ATP1B3: variants seen among roughly 807,000 people sequenced by gnomAD.
ATP1B3 encodes ATPase Na+/K+ transporting subunit beta 3, also known as sodium/potassium-transporting ATPase subunit beta-3.
In ATP1B3, 10 loss-of-function variants were observed where a neutral mutation model predicts 30.2. The observed-to-expected ratio is 0.33, with a 90% CI of 0.20 to 0.56. The LOEUF (loss-of-function observed/expected upper bound fraction) is 0.56, where lower values mean the gene tolerates loss of function less well. ATP1B3 is among the 20% of genes least tolerant of loss of function. The pLI is 0.90. For synonymous variants in ATP1B3, 113 were observed against 117.0 expected, an observed-to-expected ratio of 0.97 and a Z score of 0.22; for missense variants, 238 against 336.7, an observed-to-expected ratio of 0.71 and a Z score of 2.29.
chr3:141,914,292 GTA>G (rs746603473), intron 4 of ATP1B3, among the ~76,000 whole-genome samples: 1 of 152,046 alleles, frequency 6.6e-6, no homozygotes, highest in Non-Finnish European at 1.5e-5. Context: ...TATAGTATCA[GTA>G]TATATATATG....
intron 5 of ATP1B3, among the ~76,000 whole-genome samples, chr3:141,919,275 C>CT (rs34441912): frequency 0.14 from 17,932 of 128,548 alleles, 1,183 homozygotes; most frequent in African/African-American, 0.19. Flanking sequence ...CTTGGAGGTG[C>CT]TTTTTTTTTT....
intron 4 of ATP1B3, among the ~76,000 whole-genome samples, chr3:141,915,374 CTG>C (rs201600149): frequency 0.014 from 2,160 of 152,328 alleles, 24 homozygotes; most frequent in Non-Finnish European, 0.021. Context: ...CACGTGGAAA[CTG>C]TGTATAAATT....
chr3:141,879,069 T>C (rs1033238629), intron 1 of ATP1B3, among the ~76,000 whole-genome samples: 1 of 152,220 alleles, frequency 6.6e-6, no homozygotes, highest in African/African-American at 2.4e-5. Flanking sequence ...TTGAAGGGAC[T>C]GTATGGGCTT....
At chr3:141,904,377 T>G (rs1439755490) in intron 2 of ATP1B3, among the ~76,000 whole-genome samples, 1 of 151,986 alleles carries the variant, frequency 6.6e-6, no homozygotes, top group Non-Finnish European at 1.5e-5. Flanking sequence ...AAGAATATAG[T>G]TATAGTTATG....
intron 1 of ATP1B3, among the ~76,000 whole-genome samples, chr3:141,877,312 T>G (rs988222544): frequency 6.6e-6 from 1 of 151,780 alleles, no homozygotes; most frequent in Non-Finnish European, 1.5e-5. Context: ...CGAGAGGCCC[T>G]GGCGGAGGCG....
At chr3:141,892,639 GTGAGA>G (rs1933976513) in intron 1 of ATP1B3, among the ~76,000 whole-genome samples, 1 of 112,466 alleles carries the variant, frequency 8.9e-6, no homozygotes, top group East Asian at 2.8e-4. Flanking sequence ...CTGGGTGACA[GTGAGA>G]CTGTCTCAAA....
chr3:141,896,992 G>C (rs1015424048), intron 1 of ATP1B3, among the ~76,000 whole-genome samples: 9 of 152,154 alleles, frequency 5.9e-5, no homozygotes, highest in African/African-American at 2.2e-4. Flanking sequence ...CCTGGGTGTG[G>C]AGGCTGTCTG....
intron 1 of ATP1B3, among the ~76,000 whole-genome samples, chr3:141,898,963 A>G (rs1236160381): frequency 6.6e-6 from 1 of 152,192 alleles, no homozygotes; most frequent in Non-Finnish European, 1.5e-5. Context: ...AACACCTTAC[A>G]TGGAAGAAGC....
At chr3:141,921,325 A>T (rs940129429) in intron 5 of ATP1B3, among the ~76,000 whole-genome samples, 2 of 152,236 alleles carry the variant, frequency 1.3e-5, no homozygotes, top group Non-Finnish European at 2.9e-5. Flanking sequence ...CTTGATTTGT[A>T]TGTTGATAAA....
intron 1 of ATP1B3, among the ~76,000 whole-genome samples, chr3:141,878,003 G>T (rs368313362): frequency 6.6e-6 from 1 of 152,160 alleles, no homozygotes; most frequent in Non-Finnish European, 1.5e-5. Context: ...GGAGAAATAA[G>T]CTGTGACTCA....
At chr3:141,916,486 C>A in intron 5 of ATP1B3, 1 of 1,124,234 alleles carries the variant, frequency 8.9e-7, no homozygotes, top group Non-Finnish European at 1.2e-6. Context: ...CTTTTTTTTC[C>A]AGAATACTGT....
At chr3:141,881,482 C>T (rs959028186) in intron 1 of ATP1B3, among the ~76,000 whole-genome samples, 1 of 152,114 alleles carries the variant, frequency 6.6e-6, no homozygotes, top group African/African-American at 2.4e-5. Context: ...GGTCATGGCT[C>T]AGTAATTGTT....
intron 1 of ATP1B3, among the ~76,000 whole-genome samples, chr3:141,887,459 T>A (rs1462897901): frequency 6.6e-6 from 1 of 152,216 alleles, no homozygotes; most frequent in African/African-American, 2.4e-5. Context: ...GTGTAAATGC[T>A]TTTTAAAAGG....
At chr3:141,920,938 T>A (rs1934553770) in intron 5 of ATP1B3, among the ~76,000 whole-genome samples, 2 of 152,148 alleles carry the variant, frequency 1.3e-5, no homozygotes. Flanking sequence ...TTCATCTGTC[T>A]CTCACCCCAC....
chr3:141,887,388 T>C (rs1251143092), intron 1 of ATP1B3, among the ~76,000 whole-genome samples: 1 of 152,210 alleles, frequency 6.6e-6, no homozygotes, highest in Non-Finnish European at 1.5e-5. Flanking sequence ...ACAGTACAGA[T>C]GTGAATATCA....
chr3:141,889,009 C>T (rs1933885308), intron 1 of ATP1B3, among the ~76,000 whole-genome samples: 1 of 152,128 alleles, frequency 6.6e-6, no homozygotes, highest in South Asian at 2.1e-4. Context: ...CTTCAGGAAA[C>T]TTACAATCAT....
intron 1 of ATP1B3, among the ~76,000 whole-genome samples, chr3:141,878,033 A>G (rs1933642109): frequency 1.3e-5 from 2 of 152,182 alleles, no homozygotes; most frequent in Admixed American, 6.5e-5. Context: ...CTGTTGGTGC[A>G]GACTGAAATG....
chr3:141,877,643 T>A (rs1461951282), intron 1 of ATP1B3: 1 of 151,686 alleles, frequency 6.6e-6, no homozygotes, highest in Non-Finnish European at 1.5e-5. Context: ...GTAAATCCTG[T>A]CTGAACAACA....
intron 4 of ATP1B3, among the ~76,000 whole-genome samples, chr3:141,914,094 G>C (rs1171391177): frequency 6.6e-6 from 1 of 152,138 alleles, no homozygotes; most frequent in East Asian, 1.9e-4. Context: ...TTTGGAAATA[G>C]CTACATGCAT....
Sources: gnomAD v4.1 joint callset for allele counts (sites outside exome capture counted in the v4.1 genomes callset) on GRCh38, gnomAD v4.1.1 for gene constraint, MANE v1.5 for transcripts, NCBI Gene and HGNC (gene_info 2026-07-23, HGNC 2026-07-21) for gene names.